Variants in CFAP54 observed in about 807,000 individuals in gnomAD.
The protein encoded by CFAP54 is cilia and flagella associated protein 54.
CFAP54 carries 290 observed loss-of-function variants against 370.4 expected under a neutral mutation model. The observed-to-expected ratio is 0.78, with a 90% confidence interval of 0.71 to 0.86. CFAP54 has a LOEUF of 0.86. Ranked by LOEUF, CFAP54 falls within the 40% of genes least tolerant of loss-of-function variation. The pLI is 0.00. For missense variants in CFAP54, 3,399 were observed against 3,528.7 expected (o/e 0.96, Z 0.93); for synonymous variants, 1,206 against 1,236.5 (o/e 0.98, Z 0.52).
At chr12:96,636,504 T>C (rs1341620372) in intron 32 of CFAP54, among the ~76,000 whole-genome samples, 2 of 152,232 alleles carry the variant, frequency 1.3e-5, no homozygotes, top group Non-Finnish European at 2.9e-5. Context: ...AATCTTTGTC[T>C]TCTCTCGTAT....
At position 96,636,565 on chromosome 12, in the gene CFAP54, G is replaced by A. The variant is rs184214503; in HGVS notation, c.4316+5914G>A. On this transcript the variant is annotated intron_variant, in intron 32 of 67. Transcript: ENST00000524981. ...TTGTCTATTTTTTAGTCTTTGCAAA[G>A]AACCAAATTTTGTCTTTGTTGATCC... 1.0e-3 allele frequency among the ~76,000 whole-genome samples: 155 copies of A among 152,266 alleles called. 1 individual carries two copies. Among genetic ancestry groups the A allele is most frequent in the African/African-American group, 3.6e-3 (149 of 41,574 alleles).
At chr12:96,844,374 G>C (rs1566000372) in intron 66 of CFAP54, among the ~76,000 whole-genome samples, 1 of 152,154 alleles carries the variant, frequency 6.6e-6, no homozygotes, top group African/African-American at 2.4e-5. Context: ...GAAGAAAGGG[G>C]TGCAAGTCAA....
chr12:96,768,187 G>A (rs373762920), intron 60 of CFAP54, among the ~76,000 whole-genome samples: 45 of 152,090 alleles, frequency 3.0e-4, no homozygotes, highest in Non-Finnish European at 5.6e-4. Flanking sequence ...CGGGTGTGCT[G>A]CTGCACACCT....
In CFAP54 at chr12:96,621,632, A is replaced by G. The variant is rs1433003179; in HGVS notation, c.3682A>G (p.Ile1228Val). 2.0e-6 allele frequency: 3 copies of G among 1,516,716 alleles called. No homozygotes were observed. Among genetic ancestry groups the G allele is most frequent in the East Asian group, 2.5e-5 (1 of 40,644 alleles). 94.0% of individuals were successfully genotyped at this position (1,516,716 alleles called of 1,614,324 possible). The change falls in exon 27 of 68, where the codon ATA (isoleucine) becomes GTA (valine). Residue 1228 changes from isoleucine to valine, a missense_variant. Transcript: ENST00000524981. Reference protein sequence around the residue: ...WREYDLAVMIINYGKKMLDIT... With the variant: ...WREYDLAVMIVNYGKKMLDIT... ...GGAATATGACCTGGCAGTAATGATT[A>G]TAAATTATGGGAAAAAAATGTTGGA... is the stretch of plus-strand genomic sequence containing the variant.
intron 67 of CFAP54, among the ~76,000 whole-genome samples, chr12:96,865,625 T>A (rs539549009): frequency 9.2e-5 from 14 of 152,276 alleles, no homozygotes; most frequent in African/African-American, 3.1e-4. Flanking sequence ...GCTGAATGTT[T>A]GTTATATTAG....
At chr12:96,623,090 G>T (rs1421085913) in intron 27 of CFAP54, among the ~76,000 whole-genome samples, 1 of 152,030 alleles carries the variant, frequency 6.6e-6, no homozygotes, top group Non-Finnish European at 1.5e-5. Context: ...CCAGCAGAAG[G>T]TTGTGATTCT....
intron 60 of CFAP54, among the ~76,000 whole-genome samples, chr12:96,766,151 G>C (rs1224432065): frequency 2.0e-5 from 3 of 152,174 alleles, no homozygotes; most frequent in African/African-American, 4.8e-5. Context: ...CTGCTGCATT[G>C]TTGGGTCAGC....
At chr12:96,664,781 A>ATCTATATCTATCTATC (rs1565934511) in intron 39 of CFAP54, among the ~76,000 whole-genome samples, 3 of 25,926 alleles carry the variant, frequency 1.2e-4, no homozygotes, top group Non-Finnish European at 1.9e-4. Context: ...CTATATCTAT[A>ATCTATATCTATCTATC]TATATATATA....
chr12:96,715,577 A>G (rs1957668635), intron 48 of CFAP54, among the ~76,000 whole-genome samples: 1 of 152,162 alleles, frequency 6.6e-6, no homozygotes. Context: ...TGAAAGAACA[A>G]TCTGGAAAAA....
Position 96,658,263 on chromosome 12 carries a change from C to G in CFAP54, c.5377C>G (p.Leu1793Val). The G allele has an allele frequency of 6.2e-7, 1 of 1,614,116 alleles. No homozygotes were observed. The highest frequency in any genetic ancestry group is 1.3e-5 in the African/African-American group (1 of 75,050). The change falls in exon 38 of 68, where the codon CTT becomes GTT. Residue 1793 changes from leucine (L) to valine (V), a missense_variant. This residue lies in a region of CFAP54 where 2,796 missense variants were observed against 2,869.7 expected (regional missense o/e 0.97). Transcript: ENST00000524981. ...TPLLVYAQRQ[L>V]LLRIQKFKGP... is the part of the protein sequence containing the mutation. ...ACTTCTGGTGTATGCACAGCGCCAG[C>G]TTCTGCTGAGAATACAGAAGTTCAA...
At chr12:96,766,431 C>T (rs547387802) in intron 60 of CFAP54, among the ~76,000 whole-genome samples, 4 of 152,236 alleles carry the variant, frequency 2.6e-5, no homozygotes, top group East Asian at 3.9e-4. Context: ...CAGGGCAGTT[C>T]GGCAGCCCAG....
intron 63 of CFAP54, among the ~76,000 whole-genome samples, chr12:96,809,959 C>T (rs1257401294): frequency 2.0e-5 from 3 of 152,106 alleles, no homozygotes; most frequent in African/African-American, 7.2e-5. Flanking sequence ...TAGTAAAGCA[C>T]CTGAGCGTTG....
chr12:96,797,636 C>A (rs1436396944), intron 63 of CFAP54, among the ~76,000 whole-genome samples: 1 of 151,924 alleles, frequency 6.6e-6, no homozygotes, highest in African/African-American at 2.4e-5. Flanking sequence ...ATAATGTTCA[C>A]TTTCCCATAA....
chr12:96,641,127 A>G lies in CFAP54; in HGVS notation c.4317-3051A>G, dbSNP rs573145452. ...TGCACAGCAAAAAGAAACTACCATCAGAGTGAACAGGCAACCTACAGAATG... is the reference window on the plus strand; with the variant it reads ...TGCACAGCAAAAAGAAACTACCATCGGAGTGAACAGGCAACCTACAGAATG... On this transcript the variant is annotated intron_variant, in intron 32 of 67. Coordinates refer to ENST00000524981, the MANE Select transcript of CFAP54 (RefSeq NM_001306084.2). 4.3e-3 allele frequency among the ~76,000 whole-genome samples: 649 copies of G among 152,356 alleles called. 5 individuals are homozygous for G. The highest frequency in any genetic ancestry group is 6.7e-3 in the Non-Finnish European group (457 of 68,030).
intron 32 of CFAP54, among the ~76,000 whole-genome samples, chr12:96,638,205 ATGTGTGTGTGTGTGTGTG>A (rs756775917): frequency 3.9e-4 from 48 of 122,616 alleles, no homozygotes; most frequent in African/African-American, 1.3e-3. Flanking sequence ...ATATATATGC[ATGTGTGTGTGTGTGTGTG>A]TGTGTGTGTG....
At chr12:96,576,459 G>A in intron 19 of CFAP54, 126 bp from the exon 20 acceptor site, 3 of 680,242 alleles carry the variant, frequency 4.4e-6, no homozygotes, top group Non-Finnish European at 6.9e-6. Flanking sequence ...GTATATATTT[G>A]AGCCTCTGAG....
chr12:96,699,536 A>G (rs893904098), intron 45 of CFAP54, among the ~76,000 whole-genome samples: 10 of 152,206 alleles, frequency 6.6e-5, no homozygotes, highest in African/African-American at 2.4e-4. Flanking sequence ...ATGTTGATAC[A>G]TTGTGGAGTT....
chr12:96,732,474 T>G (rs1487353515), intron 50 of CFAP54, among the ~76,000 whole-genome samples: 2 of 152,192 alleles, frequency 1.3e-5, no homozygotes, highest in Non-Finnish European at 2.9e-5. Flanking sequence ...TTAAAGAGAT[T>G]CATGGCATTC....
Position 96,792,392 on chromosome 12 carries a change from G to A in CFAP54, c.8743G>A (p.Val2915Met), listed in dbSNP as rs1958709542. The A allele has an allele frequency of 5.2e-6, 8 of 1,535,724 alleles. No homozygotes were observed. Among genetic ancestry groups the A allele is most frequent in the African/African-American group, 1.4e-5 (1 of 73,024 alleles). Residue 2915 changes from valine (V) to methionine (M), a missense_variant, in exon 63 of 68, where the codon GTG becomes ATG. Physicochemically the swap from Val to Met is conservative, Grantham distance 21. Transcript: ENST00000524981. The part of the protein sequence containing the change: ...SFKPVSGSSC[V>M]DITPIEMVTQ... ...TAAGCCTGTTTCAGGCTCATCTTGT[G>A]TGGACATAACGCCAATAGAAATGGT...
Sources: allele counts gnomAD v4.1 joint callset (sites outside exome capture counted in the v4.1 genomes callset), GRCh38; gene constraint gnomAD v4.1.1; regional missense constraint gnomAD v4.1.1; transcripts MANE v1.5; gene names NCBI Gene and HGNC (gene_info 2026-07-23, HGNC 2026-07-21).